ZNF556: variants seen among roughly 807,000 people sequenced by gnomAD.
ZNF556 encodes the protein zinc finger protein 556.
Under a neutral mutation model 13.6 loss-of-function variants are expected in ZNF556, and 11 were observed. The ratio of observed to expected loss-of-function variants is 0.81; its 90% CI spans 0.51 to 1.33. The LOEUF (loss-of-function observed/expected upper bound fraction) is 1.33. ZNF556 is among the 40% of genes most tolerant of loss of function. The pLI is 0.00. For missense variants in ZNF556, 633 were observed against 566.2 expected (o/e 1.12, Z -1.20); for synonymous variants, 229 against 207.8 (o/e 1.10, Z -0.88).
At chr19:2,872,454 C>T (rs1599578868) in intron 1 of ZNF556, among the ~76,000 whole-genome samples, 1 of 152,250 alleles carries the variant, frequency 6.6e-6, no homozygotes, top group South Asian at 2.1e-4. Flanking sequence ...CAGCTCCTAT[C>T]TCTGTATGGC....
chr19:2,874,043 GC>G (rs2087828374), intron 2 of ZNF556, among the ~76,000 whole-genome samples: 1 of 151,516 alleles, frequency 6.6e-6, no homozygotes, highest in Non-Finnish European at 1.5e-5. Context: ...GATTGCCTGA[GC>G]TCAGGAGTTC....
At position 2,873,544 on chromosome 19, in the gene ZNF556, T is replaced by A; in HGVS notation, c.52T>A (p.Trp18Arg). ...GGTTGTGGATTTCACGCTGGAGGAG[T>A]GGGCCTTGCTGAATCCTGCTCAGAG... ...DVVVDFTLEE[W>R]ALLNPAQRKL... The change falls in exon 2 of 4, where the codon TGG becomes AGG. Residue 18 changes from tryptophan to arginine, a missense_variant. Trp to Arg is a moderately radical substitution (Grantham distance 101). Coordinates refer to ENST00000307635, the MANE Select transcript of ZNF556 (RefSeq NM_024967.3). 1 of 1,614,104 alleles carries A rather than the reference T, an allele frequency of 6.2e-7. No individual in the cohort carries two copies. The highest frequency in any genetic ancestry group is 1.3e-5 in the African/African-American group (1 of 75,038).
chr19:2,878,396 C>G lies in ZNF556; in HGVS notation c.*67C>G. ...GAAAATTCACAGCAGGAGGGCCGGG[C>G]GCAGTGGCTCACGCCTGTAATCCCA... On this transcript the variant is annotated 3_prime_UTR_variant, in exon 4 of 4. Coordinates refer to ENST00000307635, the MANE Select transcript of ZNF556 (RefSeq NM_024967.3). 1 of 1,523,994 alleles carries G rather than the reference C, an allele frequency of 6.6e-7. No homozygotes were observed. 94.4% of individuals were successfully genotyped at this position (1,523,994 alleles called of 1,614,324 possible). A position where few individuals can be genotyped will look rare whatever the true frequency, so the allele number is the denominator to read the frequency against.
chr19:2,878,113 A>C lies in ZNF556; in HGVS notation c.1155A>C (p.Leu385Phe). The C allele has an allele frequency of 1.2e-6, 2 of 1,614,168 alleles. No individual in the cohort carries two copies. Among genetic ancestry groups the C allele is most frequent in the Non-Finnish European group, 1.7e-6 (2 of 1,180,018 alleles). ...AAACGTATGGTTGGTCCTCATCTTT[A>C]CACAAACATGAGAGAAAGCACACTG... ...CGKTYGWSSSLHKHERKHTGE... is the reference protein window; with the variant it reads ...CGKTYGWSSSFHKHERKHTGE... Residue 385 changes from leucine to phenylalanine, a missense_variant, in exon 4 of 4, where the codon TTA becomes TTC. Transcript: ENST00000307635.
Position 2,877,683 on chromosome 19 carries a change from G to T in ZNF556, c.725G>T (p.Cys242Phe), listed in dbSNP as rs2087867184. 1 of 1,614,078 alleles carries T rather than the reference G, an allele frequency of 6.2e-7. No homozygotes were observed. The highest frequency in any genetic ancestry group is 8.5e-7 in the Non-Finnish European group (1 of 1,180,000). The change falls in exon 4 of 4, where the codon TGT (cysteine) becomes TTT (phenylalanine). Residue 242 changes from cysteine (C) to phenylalanine (F), a missense_variant. Physicochemically the swap from Cys to Phe is radical, Grantham distance 205. Transcript: ENST00000307635. ...GGGCAGTGTGGGAAAGGCTTCAGTT[G>T]TCCCAAATCCTTTCGCGCACATGTG... Reference protein sequence around the residue: ...ECGQCGKGFSCPKSFRAHVMM... With the variant: ...ECGQCGKGFSFPKSFRAHVMM...
In ZNF556 at chr19:2,880,618, T is replaced by A. The variant is rs55806615; in HGVS notation, c.*2289T>A. 0.29 allele frequency: 43,760 copies of A among 151,354 alleles called. 8,679 individuals are homozygous for A. Among genetic ancestry groups the A allele is most frequent in the East Asian group, 0.83 (4,183 of 5,014 alleles). 9.4% of individuals were successfully genotyped at this position (151,354 alleles called of 1,614,324 possible). The stretch of plus-strand genomic sequence containing the variant: ...CCCCATCTCTACTAAAAATACAAAA[T>A]ATTAGTGGGGTGTGCTGGTAGGTGC... On this transcript the variant is annotated 3_prime_UTR_variant, in exon 4 of 4. Transcript: ENST00000307635.
chr19:2,868,004 A>G (rs1385762179), intron 1 of ZNF556, among the ~76,000 whole-genome samples: 1 of 152,230 alleles, frequency 6.6e-6, no homozygotes, highest in East Asian at 1.9e-4. Context: ...ACAGTAAATA[A>G]TAGAGTTTGA....
rs142254713 is a variant in ZNF556, at chr19:2,877,074, G to A, written c.315-199G>A. 8.4e-3 allele frequency among the ~76,000 whole-genome samples: 1,275 copies of A among 152,000 alleles called. 14 individuals carry two copies. Among genetic ancestry groups the A allele is most frequent in the African/African-American group, 0.029 (1,212 of 41,446 alleles). ...CCAAAAATACAAAAATTAGCTGGGC[G>A]TGGTGCCATGTGACTGTAATCCCAG... On this transcript the variant is annotated intron_variant, in intron 3 of 3. Transcript: ENST00000307635.
intron 1 of ZNF556, among the ~76,000 whole-genome samples, chr19:2,868,090 T>G (rs2087772470): frequency 1.3e-5 from 2 of 152,216 alleles, no homozygotes; most frequent in Non-Finnish European, 2.9e-5. Flanking sequence ...TGTTAAAAAT[T>G]CTAGCGTGCC....
chr19:2,868,907 C>T (rs1052511998), intron 1 of ZNF556, among the ~76,000 whole-genome samples: 8 of 151,876 alleles, frequency 5.3e-5, no homozygotes, highest in Middle Eastern at 3.2e-3. Context: ...TTAGTAGAGA[C>T]GGGGTTCCAC....
At position 2,867,353 on chromosome 19, in the gene ZNF556, C is replaced by CCGT; in HGVS notation, c.-65_-63dup. 6.4e-7 allele frequency: 1 copy of CCGT among 1,554,590 alleles called. No homozygotes were observed. Among genetic ancestry groups the CCGT allele is most frequent in the South Asian group, 1.2e-5 (1 of 84,422 alleles). ...CTGCCCTGAGTGACCACAGGTGTCC[C>CCGT]CGTCGTGCTCACCTGCACCGGCTGC... is the stretch of plus-strand genomic sequence containing the variant. On this transcript the variant is annotated 5_prime_UTR_variant, in exon 1 of 4. Coordinates refer to ENST00000307635, the MANE Select transcript of ZNF556 (RefSeq NM_024967.3).
At chr19:2,871,116 A>G (rs970920684) in intron 1 of ZNF556, among the ~76,000 whole-genome samples, 1 of 151,990 alleles carries the variant, frequency 6.6e-6, no homozygotes, top group Non-Finnish European at 1.5e-5. Flanking sequence ...GTGAGCTGAG[A>G]TCACGCCACT....
rs2087891291 is a variant in ZNF556, at chr19:2,879,874, C to CG, written c.*1545_*1546insG. ...TGAAACCCCGTCTCTACTAAAAATA[C>CG]AAAAAATTAGCCAGGTGTGGTGGCG... is the stretch of plus-strand genomic sequence containing the variant. On this transcript the variant is annotated 3_prime_UTR_variant, in exon 4 of 4. Coordinates refer to ENST00000307635, the MANE Select transcript of ZNF556 (RefSeq NM_024967.3). 1 of 150,970 alleles carries CG rather than the reference C, an allele frequency of 6.6e-6. No individual in the cohort carries two copies. The highest frequency in any genetic ancestry group is 1.5e-5 in the Non-Finnish European group (1 of 67,772). 9.4% of individuals were successfully genotyped at this position (150,970 alleles called of 1,614,324 possible).
In ZNF556 at chr19:2,880,339, G is replaced by A. The variant is rs1432024146; in HGVS notation, c.*2010G>A. 2 of 152,144 alleles carry A rather than the reference G, an allele frequency of 1.3e-5. No homozygotes were observed. Among genetic ancestry groups the A allele is most frequent in the African/African-American group, 4.8e-5 (2 of 41,436 alleles). 9.4% of individuals were successfully genotyped at this position (152,144 alleles called of 1,614,324 possible). On this transcript the variant is annotated 3_prime_UTR_variant, in exon 4 of 4. Coordinates refer to ENST00000307635, the MANE Select transcript of ZNF556 (RefSeq NM_024967.3). ...TGGATTCTATACAAATGGATAAAAT[G>A]TTTCTTAGAAATAGCCTATTTAACT... is the stretch of plus-strand genomic sequence containing the variant.
intron 3 of ZNF556, 54 bp downstream of exon 3, chr19:2,876,330 C>A (rs2087851864): frequency 6.6e-7 from 1 of 1,510,472 alleles, no homozygotes; most frequent in South Asian, 1.3e-5. Context: ...TGGCTCATGC[C>A]TGTAATCCCA....
intron 1 of ZNF556, among the ~76,000 whole-genome samples, chr19:2,869,704 C>T (rs919373987): frequency 2.6e-5 from 4 of 152,214 alleles, no homozygotes; most frequent in Non-Finnish European, 5.9e-5. Context: ...CAGGACTGCA[C>T]TGTGACACCC....
chr19:2,867,635 G>A (rs2087767007), intron 1 of ZNF556, among the ~76,000 whole-genome samples: 1 of 151,178 alleles, frequency 6.6e-6, no homozygotes, highest in African/African-American at 2.4e-5. Flanking sequence ...CTGGGATGGA[G>A]GGGAAAAAAA....
rs1365299960 is a variant in ZNF556 at position 2,879,057 on chromosome 19, C to G, written c.*728C>G. The G allele has an allele frequency of 6.6e-6, 1 of 152,116 alleles. No individual in the cohort carries two copies. Among genetic ancestry groups the G allele is most frequent in the Non-Finnish European group, 1.5e-5 (1 of 68,020 alleles). 9.4% of individuals were successfully genotyped at this position (152,116 alleles called of 1,614,324 possible). On this transcript the variant is annotated 3_prime_UTR_variant, in exon 4 of 4. Coordinates refer to ENST00000307635, the MANE Select transcript of ZNF556 (RefSeq NM_024967.3). The stretch of plus-strand genomic sequence containing the variant: ...TCTGACTGGCCCTGTGTGTTCCAAG[C>G]TGGATATTACTACCATGTTACTTTT...
rs753285997 is a variant in ZNF556 at position 2,873,628 on chromosome 19, G to A, written c.130+6G>A. On this transcript the variant is annotated splice_donor_region_variant and intron_variant, in intron 2 of 3. Transcript: ENST00000307635. ...CAAGCACCTGGCCTCAGTAGGTGAG[G>A]ATAGCATTATTTCTGCACTTAGTTA... 73 of 1,612,076 alleles carry A rather than the reference G, an allele frequency of 4.5e-5. No homozygotes were observed. The highest frequency in any genetic ancestry group is 5.9e-5 in the Non-Finnish European group (70 of 1,178,556).
Sources: gnomAD v4.1 joint callset for allele counts (sites outside exome capture counted in the v4.1 genomes callset) on GRCh38, gnomAD v4.1.1 for gene constraint, MANE v1.5 for transcripts, NCBI Gene and HGNC (gene_info 2026-07-23, HGNC 2026-07-21) for gene names.